SMARCB1: variants seen among roughly 807,000 people sequenced by gnomAD.
SMARCB1 encodes the protein SWI/SNF-related matrix-associated actin-dependent regulator of chromatin subfamily B member 1.
SMARCB1 carries 5 observed loss-of-function variants against 49.0 expected under a neutral mutation model. That is an observed-to-expected ratio of 0.10 (90% CI 0.05 to 0.21). The LOEUF is 0.21. Among genes scored for constraint, SMARCB1 ranks in the 10% least tolerant of loss-of-function variants. SMARCB1 has a pLI of 1.00. For synonymous variants in SMARCB1, 201 were observed against 200.1 expected (o/e 1.00, Z -0.04); for missense variants, 226 against 509.2 (o/e 0.44, Z 5.35).
In SMARCB1 at chr22:23,837,650, G is replaced by A; in HGVS notation, c.*3470G>A. 1.2e-6 allele frequency: 2 copies of A among 1,610,680 alleles called. No individual in the cohort carries two copies. Among genetic ancestry groups the A allele is most frequent in the Non-Finnish European group, 1.7e-6 (2 of 1,177,834 alleles). On this transcript the variant is annotated 3_prime_UTR_variant, in exon 9 of 9. Transcript: ENST00000644036. ...GCCTGGGGCGGACTAGATGTACCGG[G>A]AGGCTCACCCAGCAGGTCCACGAGG...
intron 5 of SMARCB1, among the ~76,000 whole-genome samples, chr22:23,810,208 A>G (rs8140055): frequency 0.098 from 14,567 of 148,140 alleles, 2,099 homozygotes; most frequent in African/African-American, 0.32. Flanking sequence ...TCCCCTGCAG[A>G]CCTTCCCTAA....
chr22:23,821,648 G>A (rs2030093292), intron 6 of SMARCB1, among the ~76,000 whole-genome samples: 2 of 152,030 alleles, frequency 1.3e-5, no homozygotes, highest in Non-Finnish European at 2.9e-5. Flanking sequence ...TCAGGAGTTC[G>A]AGACAAGCCT....
At chr22:23,806,983 AG>A (rs1929536440) in intron 5 of SMARCB1, among the ~76,000 whole-genome samples, 2 of 147,926 alleles carry the variant, frequency 1.4e-5, no homozygotes, top group Non-Finnish European at 3.0e-5. Flanking sequence ...TGTTGTGATG[AG>A]TTTGAGGTTA....
At chr22:23,798,966 C>T (rs1038447402) in intron 3 of SMARCB1, among the ~76,000 whole-genome samples, 4 of 150,842 alleles carry the variant, frequency 2.7e-5, no homozygotes, top group Admixed American at 6.7e-5. Context: ...AGGAGAATGG[C>T]GTGAACCCGG....
At chr22:23,824,623 C>G in intron 6 of SMARCB1, 1 of 157,822 alleles carries the variant, frequency 6.3e-6, no homozygotes, top group East Asian at 1.8e-4. Context: ...ACAGCACACC[C>G]GGGGCCTGGG....
chr22:23,834,494 C>CA lies in SMARCB1; in HGVS notation c.*315dup. 1 of 506,290 alleles carries CA rather than the reference C, an allele frequency of 2.0e-6. No homozygotes were observed. The highest frequency in any genetic ancestry group is 3.7e-6 in the Non-Finnish European group (1 of 269,256). 31.4% of individuals were successfully genotyped at this position (506,290 alleles called of 1,614,324 possible). ...GTAACAGTTTTTAAATAAAAGGCAACAGGTCATGTTCAATTTCTTCAACAG... is the reference window on the plus strand; with the variant it reads ...GTAACAGTTTTTAAATAAAAGGCAACAAGGTCATGTTCAATTTCTTCAACAG... On this transcript the variant is annotated 3_prime_UTR_variant, in exon 9 of 9. Transcript: ENST00000644036.
At chr22:23,795,123 C>T (rs1928656545) in intron 3 of SMARCB1, among the ~76,000 whole-genome samples, 1 of 151,840 alleles carries the variant, frequency 6.6e-6, no homozygotes, top group Non-Finnish European at 1.5e-5. Flanking sequence ...TGTGTAATTT[C>T]AAAAATTCCA....
chr22:23,805,794 C>T (rs1482767593), intron 5 of SMARCB1, among the ~76,000 whole-genome samples: 4 of 152,220 alleles, frequency 2.6e-5, no homozygotes, highest in Admixed American at 1.3e-4. Context: ...CGTGAGCCAC[C>T]GCGCCCGGCT....
chr22:23,805,651 A>G (rs35150449), intron 5 of SMARCB1, among the ~76,000 whole-genome samples: 2,262 of 152,174 alleles, frequency 0.015, 65 homozygotes, highest in African/African-American at 0.051. Flanking sequence ...GATTACAGGC[A>G]TGCGCCACCA....
intron 6 of SMARCB1, among the ~76,000 whole-genome samples, chr22:23,821,483 T>C (rs914100784): frequency 9.9e-5 from 15 of 152,092 alleles, no homozygotes; most frequent in African/African-American, 3.1e-4. Flanking sequence ...TATCCTGCCA[T>C]CTTGGCCTCC....
At chr22:23,812,191 C>G (rs147091076) in intron 5 of SMARCB1, among the ~76,000 whole-genome samples, 273 of 152,272 alleles carry the variant, frequency 1.8e-3, no homozygotes, top group South Asian at 3.3e-3. Flanking sequence ...CACGGTGGCT[C>G]TTACCTGTAA....
chr22:23,805,129 T>C (rs1042357083), intron 5 of SMARCB1, among the ~76,000 whole-genome samples: 2 of 152,158 alleles, frequency 1.3e-5, no homozygotes, highest in African/African-American at 2.4e-5. Flanking sequence ...GTGCCAGGCC[T>C]GAGTCCGAAG....
At chr22:23,818,296 G>T (rs544686688) in intron 6 of SMARCB1, 1 of 152,148 alleles carries the variant, frequency 6.6e-6, no homozygotes, top group Admixed American at 6.5e-5. Flanking sequence ...GGGACTACAG[G>T]CGCTTGCCAC....
intron 2 of SMARCB1, chr22:23,793,117 C>T (rs1928503996): frequency 3.8e-6 from 1 of 265,408 alleles, no homozygotes; most frequent in African/African-American, 2.2e-5. Context: ...TCTTCATCTT[C>T]CATTCCATCT....
intron 6 of SMARCB1, chr22:23,818,176 C>T (rs1220929202): frequency 8.0e-6 from 1 of 124,584 alleles, no homozygotes; most frequent in Non-Finnish European, 1.7e-5. Context: ...GTGTGTGTGT[C>T]GCAGTCTCAC....
rs558558111 is a variant in SMARCB1, at chr22:23,809,711, G to A, written c.628+6289G>A. ...TAGGCATGAGCCACCGCGCCCAGCC[G>A]AATGATGGTAGATTTCTCATGAGAA... On this transcript the variant is annotated intron_variant, in intron 5 of 8. Coordinates refer to ENST00000644036, the MANE Select transcript of SMARCB1 (RefSeq NM_003073.5). Among the ~76,000 whole-genome samples, 135 of 151,306 alleles carry A rather than the reference G, an allele frequency of 8.9e-4. 2 individuals are homozygous for A. In the South Asian group the frequency reaches 0.026, roughly 29 times the overall value.
chr22:23,804,892 A>G (rs1222087245), intron 5 of SMARCB1, among the ~76,000 whole-genome samples: 1 of 152,130 alleles, frequency 6.6e-6, no homozygotes, highest in East Asian at 1.9e-4. Context: ...TCCTGGGTCA[A>G]GGCGCCTTTG....
intron 5 of SMARCB1, among the ~76,000 whole-genome samples, chr22:23,813,153 C>T (rs549125651): frequency 2.0e-5 from 3 of 152,360 alleles, no homozygotes; most frequent in Non-Finnish European, 4.4e-5. Flanking sequence ...GCGTGAGCCA[C>T]AGAGCCTGGC....
intron 5 of SMARCB1, among the ~76,000 whole-genome samples, chr22:23,807,994 C>T (rs1366102492): frequency 2.8e-5 from 4 of 141,952 alleles, no homozygotes; most frequent in Non-Finnish European, 4.5e-5. Flanking sequence ...CGGAGTCTGT[C>T]GCTCAGGCTG....
Sources: allele counts gnomAD v4.1 joint callset (sites outside exome capture counted in the v4.1 genomes callset), GRCh38; gene constraint gnomAD v4.1.1; transcripts MANE v1.5; gene names NCBI Gene and HGNC (gene_info 2026-07-23, HGNC 2026-07-21).